Variants in PRRT1 observed in about 807,000 individuals in gnomAD.
PRRT1 encodes the protein proline-rich transmembrane protein 1.
Under a neutral mutation model 22.6 loss-of-function variants are expected in PRRT1, and 8 were observed. That is an observed-to-expected ratio of 0.35 (90% CI 0.21 to 0.64). The LOEUF is 0.64. PRRT1 is among the 30% of genes least tolerant of loss of function. The pLI is 0.69. For missense variants in PRRT1, 315 were observed against 444.5 expected, an observed-to-expected ratio of 0.71 and a Z score of 2.62; for synonymous variants, 176 against 203.6, an observed-to-expected ratio of 0.86 and a Z score of 1.15.
chr6:32,149,081 C>T lies in PRRT1; in HGVS notation c.*141G>A, dbSNP rs1184121199. 4 of 926,488 alleles carry T rather than the reference C, an allele frequency of 4.3e-6. No homozygotes were observed. In the Admixed American group the frequency reaches 8.0e-5, roughly 18 times the overall value. 57.4% of individuals were successfully genotyped at this position (926,488 alleles called of 1,614,324 possible). On this transcript the variant is annotated 3_prime_UTR_variant, in exon 4 of 4. Transcript: ENST00000211413. The surrounding 1 kb of genome is among the most constrained non-coding windows in gnomAD (Gnocchi z 8.7). The stretch of plus-strand genomic sequence containing the variant: ...AGCTTGCTCGCAAGGCGAGACGTTC[C>T]GTGGAGGCGGAGTTTACGATGTATC...
Position 32,150,724 on chromosome 6 carries a change from C to A in PRRT1, c.202G>T (p.Ala68Ser), listed in dbSNP as rs761067097. The change falls in exon 2 of 4, where the codon GCG (alanine) becomes TCG (serine). Residue 68 changes from alanine (A) to serine (S), a missense_variant. By Grantham distance (99) the Ala-to-Ser change is moderately conservative. Around this residue, in one of 4 missense-constraint regions of PRRT1, gnomAD observed 263 missense variants for 328.5 expected, o/e 0.80. Coordinates refer to ENST00000211413, the MANE Select transcript of PRRT1 (RefSeq NM_030651.4). The surrounding 1 kb of genome is among the most constrained non-coding windows in gnomAD (Gnocchi z 7.2). ...GAGGGACCGCGCTGAGCGGTGGCCG[C>A]GGAAGAGGCCAGGCCCCCTGCCCCT... Reference protein sequence around the residue: ...RLGAGGLASSAATAQRGPSSS... With the variant: ...RLGAGGLASSSATAQRGPSSS... 15 of 1,485,868 alleles carry A rather than the reference C, an allele frequency of 1.0e-5. No homozygotes were observed. The highest frequency in any genetic ancestry group is 1.3e-5 in the Non-Finnish European group (14 of 1,118,772). The allele number at this position is 1,485,868 out of a possible 1,614,324, so 92.0% of individuals were successfully genotyped here.
rs1218022753 is a variant in PRRT1, at chr6:32,150,325, C to T, written c.558+43G>A. ...GTATCCCCAATTTCAAGTCCTGTAT[C>T]GCGTCCCCCTCTTTCCCATGTCCCT... is the stretch of plus-strand genomic sequence containing the variant. On this transcript the variant is annotated intron_variant, in intron 2 of 3. Transcript: ENST00000211413. This position sits in a 1 kb window ranked among gnomAD's most constrained non-coding sequence, Gnocchi z 7.2. 6.5e-7 allele frequency: 1 copy of T among 1,541,406 alleles called. No individual in the cohort carries two copies. The highest frequency in any genetic ancestry group is 1.4e-5 in the African/African-American group (1 of 69,260).
At chr6:32,151,997 G>GGGGGGGT, upstream of PRRT1, 1 of 382,314 alleles carries the variant, frequency 2.6e-6, no homozygotes, top group Non-Finnish European at 5.3e-6. Context: ...GCGGGGAGGG[G>GGGGGGGT]GGGAGCTTAA....
In PRRT1 at chr6:32,149,426, T is replaced by C; in HGVS notation, c.745-28A>G. ...ACGGAGGAGGGGTGGGGGAAGGAGG[T>C]CAAAGAGCTGCGGCCTCGTTCGAAC... On this transcript the variant is annotated intron_variant, in intron 3 of 3. Transcript: ENST00000211413. The surrounding 1 kb of genome is among the most constrained non-coding windows in gnomAD (Gnocchi z 8.7). The C allele has an allele frequency of 6.3e-7, 1 of 1,593,708 alleles. No homozygotes were observed. Among genetic ancestry groups the C allele is most frequent in the East Asian group, 2.3e-5 (1 of 44,398 alleles).
chr6:32,152,830 T>G (rs1783418917), upstream of PRRT1: 1 of 151,880 alleles, frequency 6.6e-6, no homozygotes, highest in African/African-American at 2.4e-5. Context: ...TTTATTTGCT[T>G]ATTGCATCTT....
In PRRT1 at chr6:32,150,924, A is replaced by G; in HGVS notation, c.20-18T>C. The G allele has an allele frequency of 6.4e-7, 1 of 1,556,930 alleles. No individual in the cohort carries two copies. Among genetic ancestry groups the G allele is most frequent in the Non-Finnish European group, 8.7e-7 (1 of 1,155,530 alleles). ...TGGGAGTCCTGGGGGAGGTGAGTGG[A>G]GGAGAGTATAAGAGGAAAGATGACA... is the stretch of plus-strand genomic sequence containing the variant. On this transcript the variant is annotated intron_variant, in intron 1 of 3. Coordinates refer to ENST00000211413, the MANE Select transcript of PRRT1 (RefSeq NM_030651.4). The surrounding 1 kb of genome is among the most constrained non-coding windows in gnomAD (Gnocchi z 7.2).
chr6:32,149,864 A>T lies in PRRT1; in HGVS notation c.559-142T>A, dbSNP rs1783163002. The T allele has an allele frequency of 1.7e-6, 1 of 602,818 alleles. No individual in the cohort carries two copies. Among genetic ancestry groups the T allele is most frequent in the Admixed American group, 3.1e-5 (1 of 32,398 alleles). 37.3% of individuals were successfully genotyped at this position (602,818 alleles called of 1,614,324 possible). On this transcript the variant is annotated intron_variant, in intron 2 of 3. Transcript: ENST00000211413. The surrounding 1 kb of genome is among the most constrained non-coding windows in gnomAD (Gnocchi z 8.7). ...ATAAAGCACCCATTACCCTTCCAGGACACCCATAAATTCCACCTAAGCCCC... is the reference window on the plus strand; with the variant it reads ...ATAAAGCACCCATTACCCTTCCAGGTCACCCATAAATTCCACCTAAGCCCC...
Position 32,149,200 on chromosome 6 carries a change from T to TG in PRRT1, c.*21dup. 6.2e-7 allele frequency: 1 copy of TG among 1,609,488 alleles called. No homozygotes were observed. The highest frequency in any genetic ancestry group is 8.5e-7 in the Non-Finnish European group (1 of 1,178,926). ...GCCTGGGAGATCGAGGGGCGCAGAG[T>TG]GGGGCCGGACCAGGGGCGTTTTTAG... is the stretch of plus-strand genomic sequence containing the variant. On this transcript the variant is annotated 3_prime_UTR_variant, in exon 4 of 4. Coordinates refer to ENST00000211413, the MANE Select transcript of PRRT1 (RefSeq NM_030651.4). The surrounding 1 kb of genome is among the most constrained non-coding windows in gnomAD (Gnocchi z 8.7).
In PRRT1 at chr6:32,150,291, G is replaced by C; in HGVS notation, c.558+77C>G. 1 of 1,491,650 alleles carries C rather than the reference G, an allele frequency of 6.7e-7. No homozygotes were observed. Among genetic ancestry groups the C allele is most frequent in the Non-Finnish European group, 8.9e-7 (1 of 1,129,498 alleles). 92.4% of individuals were successfully genotyped at this position (1,491,650 alleles called of 1,614,324 possible). A position where few individuals can be genotyped will look rare whatever the true frequency, so the allele number is the denominator to read the frequency against. ...CTGCCCTTGTTCCTCTATCCTACCA[G>C]CCCCCAGCGTATCCCCAATTTCAAG... On this transcript the variant is annotated intron_variant, in intron 2 of 3. Transcript: ENST00000211413. The surrounding 1 kb of genome is among the most constrained non-coding windows in gnomAD (Gnocchi z 7.2).
In PRRT1 at chr6:32,148,436, C is replaced by T. The variant is rs781256162; in HGVS notation, c.*786G>A. 77 of 259,008 alleles carry T rather than the reference C, an allele frequency of 3.0e-4. No individual in the cohort carries two copies. The highest frequency in any genetic ancestry group is 4.2e-4 in the Non-Finnish European group (54 of 128,664). 16.0% of individuals were successfully genotyped at this position (259,008 alleles called of 1,614,324 possible). A position where few individuals can be genotyped will look rare whatever the true frequency, so the allele number is the denominator to read the frequency against. ...CACACAGATCAGAACAAGGCGGGGC[C>T]GCCGAGGGGAGCGGGGAGCGGGGAC... On this transcript the variant is annotated 3_prime_UTR_variant, in exon 4 of 4. Coordinates refer to ENST00000211413, the MANE Select transcript of PRRT1 (RefSeq NM_030651.4). The surrounding 1 kb of genome is among the most constrained non-coding windows in gnomAD (Gnocchi z 5.7).
In PRRT1 at chr6:32,151,316, C is replaced by T. The variant is rs146539690; in HGVS notation, c.20-410G>A. ...GTGCTCAATTCAACAGTTGTATAAA[C>T]ACATGTGGGATGACATGTGTTCCAC... On this transcript the variant is annotated intron_variant, in intron 1 of 3. Coordinates refer to ENST00000211413, the MANE Select transcript of PRRT1 (RefSeq NM_030651.4). 133 of 446,612 alleles carry T rather than the reference C, an allele frequency of 3.0e-4. No individual in the cohort carries two copies. In the East Asian group the frequency reaches 4.9e-3, roughly 16 times the overall value. 27.7% of individuals were successfully genotyped at this position (446,612 alleles called of 1,614,324 possible).
upstream of PRRT1, chr6:32,153,040 A>C (rs1783445748): frequency 5.5e-6 from 1 of 180,884 alleles, no homozygotes. The surrounding 1 kb of genome is among the most constrained non-coding windows in gnomAD (Gnocchi z 4.4). Context: ...AGAGCAGTAC[A>C]GAGGCTCTCG....
In PRRT1 at chr6:32,150,527, G is replaced by C. The variant is rs2127378013; in HGVS notation, c.399C>G (p.Pro133=). ...PPPPPAAAAP[P]PPAPAQTAQA... The stretch of plus-strand genomic sequence containing the variant: ...GGGCAGTCTGGGCTGGCGCCGGCGG[G>C]GGCGGGGCGGCGGCAGCGGGCGGCG... The change falls in exon 2 of 4, where the codon CCC becomes CCG. Residue 133 remains proline (P), a synonymous_variant. Transcript: ENST00000211413. This position sits in a 1 kb window ranked among gnomAD's most constrained non-coding sequence, Gnocchi z 7.2. The C allele has an allele frequency of 3.6e-6, 5 of 1,375,628 alleles. 1 individual carries two copies. In the East Asian group the frequency reaches 9.0e-5, roughly 25 times the overall value. The allele number at this position is 1,375,628 out of a possible 1,614,324, so 85.2% of individuals were successfully genotyped here. A position where few individuals can be genotyped will look rare whatever the true frequency, so the allele number is the denominator to read the frequency against.
At chr6:32,152,274 T>C, upstream of PRRT1, 1 of 447,924 alleles carries the variant, frequency 2.2e-6, no homozygotes, top group Non-Finnish European at 4.4e-6. Context: ...GTGGAGTTAA[T>C]AACCCAGGTG....
chr6:32,150,384 A>G lies in PRRT1; in HGVS notation c.542T>C (p.Val181Ala). 6.4e-7 allele frequency: 1 copy of G among 1,552,548 alleles called. No individual in the cohort carries two copies. Among genetic ancestry groups the G allele is most frequent in the South Asian group, 1.2e-5 (1 of 83,206 alleles). Residue 181 changes from valine to alanine, a missense_variant, in exon 2 of 4, where the codon GTC becomes GCC. Val to Ala is a moderately conservative substitution (Grantham distance 64). Coordinates refer to ENST00000211413, the MANE Select transcript of PRRT1 (RefSeq NM_030651.4). The surrounding 1 kb of genome is among the most constrained non-coding windows in gnomAD (Gnocchi z 7.2). The part of the protein sequence containing the change: ...QLQPCTAYVP[V>A]YPVGTPYAGG... The stretch of plus-strand genomic sequence containing the variant: ...GGCACTCACCGTGCCCACCGGGTAG[A>G]CCGGCACGTAAGCAGTGCAAGGCTG...
Position 32,149,508 on chromosome 6 carries a change from C to G in PRRT1, c.744+29G>C. The G allele has an allele frequency of 6.2e-7, 1 of 1,612,254 alleles. No individual in the cohort carries two copies. Among genetic ancestry groups the G allele is most frequent in the Non-Finnish European group, 8.5e-7 (1 of 1,179,614 alleles). On this transcript the variant is annotated intron_variant, in intron 3 of 3. Coordinates refer to ENST00000211413, the MANE Select transcript of PRRT1 (RefSeq NM_030651.4). This position sits in a 1 kb window ranked among gnomAD's most constrained non-coding sequence, Gnocchi z 8.7. ...ACGCCCAGAACTCCCTGTCCCCGCC[C>G]CCAAACCGAGTATGCCCCTGCCCCC...
rs1274096731 is a variant in PRRT1, at chr6:32,150,583, C to T, written c.343G>A (p.Glu115Lys). ...GGAAGTGGGCCCTCGAAGCGAGTCT[C>T]CTGCAGGTAAGGGTCGGGTGGCATG... ...PRMPPDPYLQETRFEGPLPPP... is the reference protein window; with the variant it reads ...PRMPPDPYLQKTRFEGPLPPP... Residue 115 changes from glutamate (E) to lysine (K), a missense_variant, in exon 2 of 4, where the codon GAG (glutamate) becomes AAG (lysine). Physicochemically the swap from Glu to Lys is moderately conservative, Grantham distance 56. Transcript: ENST00000211413. This position sits in a 1 kb window ranked among gnomAD's most constrained non-coding sequence, Gnocchi z 7.2. 1.5e-6 allele frequency: 2 copies of T among 1,377,338 alleles called. No homozygotes were observed. Among genetic ancestry groups the T allele is most frequent in the Non-Finnish European group, 9.4e-7 (1 of 1,068,874 alleles). The allele number at this position is 1,377,338 out of a possible 1,614,324, so 85.3% of individuals were successfully genotyped here.
At chr6:32,151,565 C>T in intron 1 of PRRT1, 1 of 584,616 alleles carries the variant, frequency 1.7e-6, no homozygotes, top group Non-Finnish European at 3.0e-6. Flanking sequence ...GTACCTCCTT[C>T]ACCCTCTCAA....
chr6:32,150,468 C>T lies in PRRT1; in HGVS notation c.458G>A (p.Gly153Glu). The T allele has an allele frequency of 6.7e-7, 1 of 1,502,834 alleles. No individual in the cohort carries two copies. The highest frequency in any genetic ancestry group is 8.8e-7 in the Non-Finnish European group (1 of 1,132,708). The allele number at this position is 1,502,834 out of a possible 1,614,324, so 93.1% of individuals were successfully genotyped here. ...APGFVVPTHAGTVGTLPLGGY... is the reference protein window; with the variant it reads ...APGFVVPTHAETVGTLPLGGY... ...CCCCAGCGGCAGCGTGCCCACAGTCCCCGCGTGCGTGGGCACCACGAAGCC... is the reference window on the plus strand; with the variant it reads ...CCCCAGCGGCAGCGTGCCCACAGTCTCCGCGTGCGTGGGCACCACGAAGCC... Residue 153 changes from glycine to glutamate, a missense_variant, in exon 2 of 4, where the codon GGG becomes GAG. Physicochemically the swap from Gly to Glu is moderately conservative, Grantham distance 98. This residue lies in a region of PRRT1 where 263 missense variants were observed against 328.5 expected (regional missense o/e 0.80). Coordinates refer to ENST00000211413, the MANE Select transcript of PRRT1 (RefSeq NM_030651.4). The surrounding 1 kb of genome is among the most constrained non-coding windows in gnomAD (Gnocchi z 7.2).
Sources: allele counts gnomAD v4.1 joint callset, GRCh38; gene constraint gnomAD v4.1.1; regional missense constraint gnomAD v4.1.1; non-coding constraint Gnocchi (gnomAD v3.1); transcripts MANE v1.5; gene names NCBI Gene and HGNC (gene_info 2026-07-23, HGNC 2026-07-21).